DSCAM: variants seen among roughly 807,000 people sequenced by gnomAD.
DSCAM encodes cell adhesion molecule DSCAM.
Under a neutral mutation model 217.7 loss-of-function variants are expected in DSCAM, and 47 were observed. The ratio of observed to expected loss-of-function variants is 0.22; its 90% CI spans 0.17 to 0.28. The LOEUF is 0.28. Among genes scored for constraint, DSCAM ranks in the 10% least tolerant of loss-of-function variants. The pLI, the probability that DSCAM is intolerant of heterozygous loss-of-function variation, is 1.00. For missense variants in DSCAM, 2,080 were observed against 2,618.3 expected (o/e 0.79, Z 4.49); for synonymous variants, 1,056 against 1,015.3 (o/e 1.04, Z -0.76).
At chr21:40,320,172 C>T (rs1355191847) in intron 8 of DSCAM, among the ~76,000 whole-genome samples, 1 of 152,120 alleles carries the variant, frequency 6.6e-6, no homozygotes, top group African/African-American at 2.4e-5. Context: ...CTTGTACATC[C>T]TGCACATGTA....
intron 9 of DSCAM, among the ~76,000 whole-genome samples, chr21:40,303,327 A>G (rs2074037233): frequency 6.6e-6 from 1 of 151,828 alleles, no homozygotes; most frequent in Non-Finnish European, 1.5e-5. Flanking sequence ...CTCACTCCAC[A>G]CTCAGTCTTC....
intron 3 of DSCAM, among the ~76,000 whole-genome samples, chr21:40,418,491 T>C (rs1364312323): frequency 6.6e-6 from 1 of 152,226 alleles, no homozygotes; most frequent in Non-Finnish European, 1.5e-5. Context: ...GGTGTTTAGG[T>C]TATGTGAGGT....
intron 21 of DSCAM, among the ~76,000 whole-genome samples, chr21:40,090,278 C>A (rs1396909274): frequency 6.6e-6 from 1 of 152,054 alleles, no homozygotes; most frequent in Non-Finnish European, 1.5e-5. Flanking sequence ...AATAATGAAC[C>A]CAGAGCCTTT....
chr21:40,141,818 G>A (rs912088152), intron 18 of DSCAM, among the ~76,000 whole-genome samples: 3 of 152,052 alleles, frequency 2.0e-5, no homozygotes, highest in African/African-American at 7.2e-5. Flanking sequence ...CACGCAGCCC[G>A]GCCCAGCCTG....
chr21:40,419,401 G>T (rs935354123), intron 3 of DSCAM, among the ~76,000 whole-genome samples: 3 of 152,098 alleles, frequency 2.0e-5, no homozygotes, highest in African/African-American at 7.2e-5. Flanking sequence ...ATATATCAAA[G>T]AATTTTGAAA....
chr21:40,453,662 A>C (rs949991614), intron 3 of DSCAM, among the ~76,000 whole-genome samples: 1 of 152,246 alleles, frequency 6.6e-6, no homozygotes, highest in East Asian at 1.9e-4. Context: ...AGAGATAAAC[A>C]AAAGTAGAAC....
rs372662781 is a variant in DSCAM, at chr21:40,708,018, A to G, written c.361+436T>C. Among the ~76,000 whole-genome samples the G allele has an allele frequency of 1.8e-4, 28 of 152,358 alleles. 1 individual carries two copies. The highest frequency in any genetic ancestry group is 6.0e-4 in the African/African-American group (25 of 41,580). ...AGGATATTAGATTGATTCTGTTTCC[A>G]TAACAGTACATCTTGATGCTATGGT... On this transcript the variant is annotated intron_variant, in intron 2 of 32. Transcript: ENST00000400454.
At chr21:40,695,276 G>T (rs1409834330) in intron 2 of DSCAM, among the ~76,000 whole-genome samples, 2 of 152,048 alleles carry the variant, frequency 1.3e-5, no homozygotes, top group African/African-American at 4.8e-5. Flanking sequence ...GCCTACACTA[G>T]ATGGGATCAC....
intron 10 of DSCAM, among the ~76,000 whole-genome samples, chr21:40,288,959 GA>G (rs2073859638): frequency 6.6e-6 from 1 of 152,120 alleles, no homozygotes; most frequent in Non-Finnish European, 1.5e-5. Context: ...CCTAACTGAT[GA>G]TTTCTACTCC....
At chr21:40,227,496 A>G (rs1326378740) in intron 11 of DSCAM, among the ~76,000 whole-genome samples, 1 of 152,190 alleles carries the variant, frequency 6.6e-6, no homozygotes, top group Admixed American at 6.5e-5. Context: ...TTGTTTTCTA[A>G]AGGCCTAGCA....
At chr21:40,603,298 C>A (rs1273719248) in intron 3 of DSCAM, among the ~76,000 whole-genome samples, 1 of 152,052 alleles carries the variant, frequency 6.6e-6, no homozygotes, top group African/African-American at 2.4e-5. Flanking sequence ...GTGCATTCTG[C>A]TGTTGTTCAT....
At chr21:40,063,487 A>G (rs996471182) in intron 27 of DSCAM, among the ~76,000 whole-genome samples, 2 of 150,594 alleles carry the variant, frequency 1.3e-5, no homozygotes, top group African/African-American at 2.4e-5. Flanking sequence ...AAAGTGTAGG[A>G]AAAAAAAAAT....
intron 10 of DSCAM, among the ~76,000 whole-genome samples, chr21:40,283,306 A>G (rs191462271): frequency 5.3e-5 from 8 of 152,248 alleles, no homozygotes; most frequent in African/African-American, 1.9e-4. Context: ...AGCAGTCATT[A>G]ATTAAAACAC....
chr21:40,696,736 G>A (rs1487358200), intron 2 of DSCAM, among the ~76,000 whole-genome samples: 2 of 151,984 alleles, frequency 1.3e-5, no homozygotes, highest in African/African-American at 4.8e-5. Context: ...CTGGTAATAT[G>A]ACTTTGAAAC....
chr21:40,845,426 A>G (rs1408965602), intron 1 of DSCAM, among the ~76,000 whole-genome samples: 3 of 152,136 alleles, frequency 2.0e-5, no homozygotes, highest in Non-Finnish European at 4.4e-5. Flanking sequence ...CAGCCAACAC[A>G]CAGAGCTTCC....
At chr21:40,511,046 T>C in intron 3 of DSCAM, among the ~76,000 whole-genome samples, 1 of 152,260 alleles carries the variant, frequency 6.6e-6, no homozygotes, top group East Asian at 1.9e-4. Flanking sequence ...TTAAAAAATG[T>C]ATCAGACTTG....
rs140268971 is a variant in DSCAM, at chr21:40,780,398, CGTGTGTGTGT to C, written c.43+66211_43+66220del. On this transcript the variant is annotated intron_variant, in intron 1 of 32. Transcript: ENST00000400454. ...TGCCTCACCTATTTCCAAATATAAA[CGTGTGTGTGT>C]GTGTGTGTGTGTGTGTATATATATA... Among the ~76,000 whole-genome samples, 839 of 108,538 alleles carry C rather than the reference CGTGTGTGTGT, an allele frequency of 7.7e-3. 50 individuals are homozygous for C. Among genetic ancestry groups the C allele is most frequent in the Admixed American group, 0.054 (472 of 8,724 alleles). 71.2% of individuals were successfully genotyped at this position (108,538 alleles called of 152,430 possible). A position where few individuals can be genotyped will look rare whatever the true frequency, so the allele number is the denominator to read the frequency against.
intron 3 of DSCAM, among the ~76,000 whole-genome samples, chr21:40,452,585 CTTCTATA>C (rs2075729542): frequency 6.6e-6 from 1 of 152,098 alleles, no homozygotes; most frequent in Non-Finnish European, 1.5e-5. Flanking sequence ...ATCAAGCAAA[CTTCTATA>C]TTCTATTTCA....
chr21:40,761,492 G>T (rs2091334835), intron 1 of DSCAM, among the ~76,000 whole-genome samples: 1 of 146,934 alleles, frequency 6.8e-6, no homozygotes, highest in African/African-American at 2.5e-5. Context: ...CATGAATACA[G>T]ACATCCACCA....
Sources: allele counts gnomAD v4.1 joint callset (sites outside exome capture counted in the v4.1 genomes callset), GRCh38; gene constraint gnomAD v4.1.1; transcripts MANE v1.5; gene names NCBI Gene and HGNC (gene_info 2026-07-23, HGNC 2026-07-21).